LCT: variants seen among roughly 807,000 people sequenced by gnomAD.
LCT encodes the protein lactase/phlorizin hydrolase.
In LCT, 90 loss-of-function variants were observed where a neutral mutation model predicts 173.0. The observed-to-expected ratio is 0.52, with a 90% CI of 0.44 to 0.62. The LOEUF (loss-of-function observed/expected upper bound fraction) is 0.62. Ranked by LOEUF, LCT falls within the 20% of genes least tolerant of loss-of-function variation. The pLI, the probability that LCT is intolerant of heterozygous loss-of-function variation, is 0.00. For synonymous variants in LCT, 853 were observed against 957.6 expected (o/e 0.89, Z 2.02); for missense variants, 1,864 against 2,431.4 (o/e 0.77, Z 4.91).
Position 135,833,152 on chromosome 2 carries a change from G to C in LCT, c.679C>G (p.Pro227Ala), listed in dbSNP as rs776492067. Reference protein sequence around the residue: ...LSVVLRAEDIPELLLEPPISA... With the variant: ...LSVVLRAEDIAELLLEPPISA... ...ATGGGTGGTTCTAGCAGGAGCTCCG[G>C]GATATCTTCAGCTCGCAGGACAACA... Residue 227 changes from proline (P) to alanine (A), a missense_variant, in exon 2 of 17, where the codon CCG becomes GCG. Physicochemically the swap from Pro to Ala is conservative, Grantham distance 27. Around this residue, in one of 4 missense-constraint regions of LCT, gnomAD observed 412 missense variants for 462.0 expected, o/e 0.89. Coordinates refer to ENST00000264162, the MANE Select transcript of LCT (RefSeq NM_002299.4). 2 of 1,613,980 alleles carry C rather than the reference G, an allele frequency of 1.2e-6. No homozygotes were observed. The highest frequency in any genetic ancestry group is 2.2e-5 in the South Asian group (2 of 91,084).
At chr2:135,791,827 G>A (rs1311403708) in intron 14 of LCT, among the ~76,000 whole-genome samples, 1 of 152,238 alleles carries the variant, frequency 6.6e-6, no homozygotes, top group East Asian at 1.9e-4. Flanking sequence ...AGCTACTGGT[G>A]TGGAAAGATG....
chr2:135,795,604 CTAATAATAATAA>C (rs768794511), intron 13 of LCT, among the ~76,000 whole-genome samples: 2 of 146,050 alleles, frequency 1.4e-5, no homozygotes, highest in African/African-American at 2.5e-5. Flanking sequence ...TTCTCCAACT[CTAATAATAATAA>C]TAATAATAAT....
At chr2:135,834,809 A>AAAAAAAAAAAAAAAAAAAT (rs1329857930) in intron 1 of LCT, among the ~76,000 whole-genome samples, 1 of 141,642 alleles carries the variant, frequency 7.1e-6, no homozygotes, top group Non-Finnish European at 1.5e-5. Context: ...AAAAAAAAAA[A>AAAAAAAAAAAAAAAAAAAT]AGAAGAAGAA....
At chr2:135,816,162 TGTG>T (rs2077779978) in intron 6 of LCT, among the ~76,000 whole-genome samples, 1 of 152,240 alleles carries the variant, frequency 6.6e-6, no homozygotes, top group Non-Finnish European at 1.5e-5. Flanking sequence ...TTTAAAATTT[TGTG>T]CCAAGTGTAT....
intron 5 of LCT, among the ~76,000 whole-genome samples, chr2:135,819,853 C>A (rs941940682): frequency 6.6e-6 from 1 of 152,194 alleles, no homozygotes; most frequent in Non-Finnish European, 1.5e-5. Context: ...CCCTGACTGT[C>A]CTCCTGGATT....
Position 135,817,358 on chromosome 2 carries a change from C to G in LCT, c.1690G>C (p.Gly564Arg). 1 of 1,614,068 alleles carries G rather than the reference C, an allele frequency of 6.2e-7. No homozygotes were observed. Among genetic ancestry groups the G allele is most frequent in the Non-Finnish European group, 8.5e-7 (1 of 1,179,924 alleles). The change falls in exon 6 of 17, where the codon GGA becomes CGA. Residue 564 changes from glycine (G) to arginine (R), a missense_variant. Transcript: ENST00000264162. ...GQHPPGISDP[G>R]VASFKVAHLV... Reference sequence around the variant, plus strand: ...GGAAGTACCTTAAAAGAGGCCACTCCTGGGTCAGAGATGCCGGGAGGGTGC... The same window carrying G: ...GGAAGTACCTTAAAAGAGGCCACTCGTGGGTCAGAGATGCCGGGAGGGTGC...
At chr2:135,789,442 T>C (rs2077517150) in intron 16 of LCT, 129 bp downstream of exon 16, 1 of 717,366 alleles carries the variant, frequency 1.4e-6, no homozygotes, top group Non-Finnish European at 2.5e-6. Flanking sequence ...AAATAAACAT[T>C]TGTTGAATGA....
intron 9 of LCT, among the ~76,000 whole-genome samples, chr2:135,806,339 A>G (rs2077670985): frequency 6.6e-6 from 1 of 152,242 alleles, no homozygotes; most frequent in Non-Finnish European, 1.5e-5. Flanking sequence ...AGAATTAAAA[A>G]GTTAATAAAG....
At chr2:135,818,161 C>A (rs2077797055) in intron 5 of LCT, 100 bp from the exon 6 acceptor site, 3 of 1,421,884 alleles carry the variant, frequency 2.1e-6, no homozygotes, top group Non-Finnish European at 2.9e-6. Flanking sequence ...AGAAAAGATT[C>A]CAGAAACACT....
At chr2:135,822,165 A>G (rs1453346843) in intron 4 of LCT, 67 bp from the exon 5 acceptor site, 2 of 982,520 alleles carry the variant, frequency 2.0e-6, no homozygotes, top group African/African-American at 1.6e-5. Context: ...TCTGAAATCA[A>G]CAGTTTTCCT....
At position 135,812,568 on chromosome 2, in the gene LCT, CA is replaced by C; in HGVS notation, c.2095del (p.Cys699AlafsTer15). The C allele has an allele frequency of 6.2e-7, 1 of 1,613,694 alleles. No individual in the cohort carries two copies. Among genetic ancestry groups the C allele is most frequent in the Non-Finnish European group, 8.5e-7 (1 of 1,179,614 alleles). ...TCCAATGGTATCATAGCTAGGGATG[CA>C]GGTGTTTTGTGGGGCGTTGCTGATG... ...RLISNAPQNT[C>X]IPSYDTIGGF... On this transcript the variant is annotated frameshift_variant, in exon 7 of 17. Coordinates refer to ENST00000264162, the MANE Select transcript of LCT (RefSeq NM_002299.4). LOFTEE classifies it high-confidence loss of function.
intron 11 of LCT, among the ~76,000 whole-genome samples, chr2:135,801,974 T>C (rs1366159784): frequency 6.6e-6 from 1 of 152,190 alleles, no homozygotes; most frequent in South Asian, 2.1e-4. Flanking sequence ...TGGGCTCAAA[T>C]GAATTGACAG....
At chr2:135,802,894 C>T (rs12475398) in intron 11 of LCT, among the ~76,000 whole-genome samples, 28,613 of 151,916 alleles carry the variant, frequency 0.19, 2,983 homozygotes, top group Middle Eastern at 0.4. Context: ...GGCGGATTAC[C>T]TGAGGTCACG....
Position 135,812,674 on chromosome 2 carries a change from G to C in LCT, c.1990C>G (p.Pro664Ala), listed in dbSNP as rs1558739575. The C allele has an allele frequency of 3.1e-6, 5 of 1,613,302 alleles. No individual in the cohort carries two copies. Among genetic ancestry groups the C allele is most frequent in the Non-Finnish European group, 4.2e-6 (5 of 1,179,348 alleles). The change falls in exon 7 of 17, where the codon CCC (proline) becomes GCC (alanine). Residue 664 changes from proline to alanine, a missense_variant. Pro to Ala is a conservative substitution (Grantham distance 27). Around this residue, in one of 4 missense-constraint regions of LCT, gnomAD observed 755 missense variants for 926.3 expected, o/e 0.82. Coordinates refer to ENST00000264162, the MANE Select transcript of LCT (RefSeq NM_002299.4). ...RQCSHPVAQL[P>A]EFTEAEKQLL... ...TGCTTCTCTGCCTCTGTGAACTCGG[G>C]GAGTTGAGCCACAGGATGGGAGCAC...
intron 1 of LCT, 117 bp from the exon 2 acceptor site, chr2:135,833,307 T>G: frequency 1.3e-6 from 1 of 799,476 alleles, no homozygotes; most frequent in Non-Finnish European, 2.2e-6. Context: ...ATGACTTTAC[T>G]CTAGCTGAAA....
chr2:135,817,946 T>G lies in LCT; in HGVS notation c.1102A>C (p.Asn368His), dbSNP rs1362131836. 6.2e-7 allele frequency: 1 copy of G among 1,613,950 alleles called. No individual in the cohort carries two copies. Among genetic ancestry groups the G allele is most frequent in the Admixed American group, 1.7e-5 (1 of 60,024 alleles). ...GCATCCCTTTCCGCCCTGGACTGAT[T>G]GGCAAATGCTTCCCAGATTCTCTGA... ...AYQRIWEAFA[N>H]QSRAERDAFL... is the part of the protein sequence containing the mutation. Residue 368 changes from asparagine to histidine, a missense_variant, in exon 6 of 17, where the codon AAT (asparagine) becomes CAT (histidine). This residue lies in a region of LCT where 412 missense variants were observed against 462.0 expected (regional missense o/e 0.89). Coordinates refer to ENST00000264162, the MANE Select transcript of LCT (RefSeq NM_002299.4).
Position 135,817,506 on chromosome 2 carries a change from G to T in LCT, c.1542C>A (p.Ser514Arg), listed in dbSNP as rs547381935. The change falls in exon 6 of 17, where the codon AGC (serine) becomes AGA (arginine). Residue 514 changes from serine to arginine, a missense_variant. Ser to Arg is a moderately radical substitution (Grantham distance 110). Around this residue, in one of 4 missense-constraint regions of LCT, gnomAD observed 183 missense variants for 293.1 expected, o/e 0.62. Transcript: ENST00000264162. ...CATAGTCCAGGAAGGCATCCACCAC[G>T]CTCTCATTCTGCCATCCACCATGAT... ...LQDHGGWQNE[S>R]VVDAFLDYAA... The T allele has an allele frequency of 6.2e-6, 10 of 1,613,938 alleles. No homozygotes were observed. The African/African-American group carries it at 9.3e-5, about 15-fold the overall frequency.
chr2:135,818,186 A>G, intron 5 of LCT, 125 bp from the exon 6 acceptor site: 1 of 1,160,978 alleles, frequency 8.6e-7, no homozygotes, highest in African/African-American at 1.5e-5. Flanking sequence ...CAAAAGTCAT[A>G]TCTGCAAAGC....
intron 11 of LCT, 73 bp downstream of exon 11, chr2:135,803,857 A>G: frequency 6.4e-6 from 9 of 1,402,310 alleles, no homozygotes; most frequent in African/African-American, 1.4e-5. Flanking sequence ...GTCCTGTGCC[A>G]TCTGGATTTC....
Sources: gnomAD v4.1 joint callset for allele counts (sites outside exome capture counted in the v4.1 genomes callset) on GRCh38, gnomAD v4.1.1 for gene constraint, gnomAD v4.1.1 regional missense constraint, MANE v1.5 for transcripts, NCBI Gene and HGNC (gene_info 2026-07-23, HGNC 2026-07-21) for gene names.